FMN1: variants seen among roughly 807,000 people sequenced by gnomAD.
The protein encoded by FMN1 is formin 1.
Under a neutral mutation model 132.4 loss-of-function variants are expected in FMN1, and 110 were observed. The ratio of observed to expected loss-of-function variants is 0.83; its 90% CI spans 0.71 to 0.97. FMN1 has a LOEUF of 0.97. FMN1 is among the 50% of genes least tolerant of loss of function. The pLI, the probability that FMN1 is intolerant of heterozygous loss-of-function variation, is 0.00. For synonymous variants in FMN1, 722 were observed against 651.7 expected (o/e 1.11, Z -1.64); for missense variants, 1,792 against 1,705.3 (o/e 1.05, Z -0.90).
chr15:32,879,738 G>A (rs116748087), intron 16 of FMN1, among the ~76,000 whole-genome samples: 6 of 152,172 alleles, frequency 3.9e-5, no homozygotes, highest in African/African-American at 1.2e-4. Flanking sequence ...TGTGATAAGA[G>A]GCAGAATTAA....
chr15:33,119,832 A>T (rs1480895417), intron 4 of FMN1, among the ~76,000 whole-genome samples: 1 of 152,176 alleles, frequency 6.6e-6, no homozygotes. Flanking sequence ...CTCTCATAAA[A>T]TGACCTCCCC....
chr15:33,023,744 A>G (rs1265475292), intron 6 of FMN1, among the ~76,000 whole-genome samples: 3 of 152,198 alleles, frequency 2.0e-5, no homozygotes, highest in Non-Finnish European at 2.9e-5. Flanking sequence ...ACCAAAAAAT[A>G]GAGTACAAAA....
At chr15:32,938,280 G>C (rs1265639340) in intron 9 of FMN1, among the ~76,000 whole-genome samples, 2 of 152,076 alleles carry the variant, frequency 1.3e-5, no homozygotes, top group Non-Finnish European at 2.9e-5. Context: ...TGTAATCCCA[G>C]CAACTTGAGA....
chr15:32,974,162 T>C (rs1265966517), intron 7 of FMN1, among the ~76,000 whole-genome samples: 7 of 152,196 alleles, frequency 4.6e-5, no homozygotes, highest in Non-Finnish European at 1.0e-4. Context: ...TTATAAACCC[T>C]CCATTTATTT....
At chr15:33,155,483 G>A (rs17235791) in intron 3 of FMN1, among the ~76,000 whole-genome samples, 28,845 of 152,052 alleles carry the variant, frequency 0.19, 3,347 homozygotes, top group Middle Eastern at 0.28. Flanking sequence ...AAGGTAGATC[G>A]ATCAAGCCTT....
At position 33,019,786 on chromosome 15, in the gene FMN1, C is replaced by A. The variant is rs574541984; in HGVS notation, c.2162-11711G>T. The stretch of plus-strand genomic sequence containing the variant: ...CACTCGGAGTGCGGGGCCCGCCAAG[C>A]CCATGCCCACTCGGACCTCTAGCTG... On this transcript the variant is annotated intron_variant, in intron 6 of 20. Transcript: ENST00000616417. 2.4e-4 allele frequency among the ~76,000 whole-genome samples: 37 copies of A among 152,336 alleles called. No homozygotes were observed. In the South Asian group the frequency reaches 7.2e-3, roughly 30 times the overall value.
In FMN1 at chr15:33,144,359, G is replaced by A. The variant is rs1009174592; in HGVS notation, c.1867+8689C>T. Among the ~76,000 whole-genome samples, 12 of 152,094 alleles carry A rather than the reference G, an allele frequency of 7.9e-5. 1 individual carries two copies. Among genetic ancestry groups the A allele is most frequent in the Admixed American group, 6.5e-4 (10 of 15,272 alleles). ...TTAGGTAGAAATCCAATATTAGGCC[G>A]GGCATGGTGGCTCACTCCTGTAATC... On this transcript the variant is annotated intron_variant, in intron 4 of 20. Coordinates refer to ENST00000616417, the MANE Select transcript of FMN1 (RefSeq NM_001277313.2).
chr15:33,182,398 C>A (rs1965735095), intron 2 of FMN1, among the ~76,000 whole-genome samples: 1 of 152,226 alleles, frequency 6.6e-6, no homozygotes, highest in Non-Finnish European at 1.5e-5. Flanking sequence ...CCATCCATTG[C>A]TCTTAAGCTG....
At chr15:32,939,184 T>C (rs1267529405) in intron 9 of FMN1, among the ~76,000 whole-genome samples, 1 of 152,192 alleles carries the variant, frequency 6.6e-6, no homozygotes, top group Non-Finnish European at 1.5e-5. Context: ...TACTTCAGGC[T>C]CAAGAGTCCT....
chr15:32,782,499 CA>C (rs2056697181), intron 19 of FMN1, among the ~76,000 whole-genome samples: 1 of 152,166 alleles, frequency 6.6e-6, no homozygotes, highest in South Asian at 2.1e-4. Context: ...TAAATATTTA[CA>C]CGTGTCATCT....
chr15:33,083,265 G>GT (rs1277102369), intron 5 of FMN1, among the ~76,000 whole-genome samples: 3 of 152,200 alleles, frequency 2.0e-5, no homozygotes, highest in Admixed American at 2.0e-4. Flanking sequence ...TATAGAAGTT[G>GT]TAATATTTGT....
chr15:32,979,574 A>G (rs1031648500), intron 7 of FMN1, among the ~76,000 whole-genome samples: 5 of 151,560 alleles, frequency 3.3e-5, no homozygotes, highest in Non-Finnish European at 7.4e-5. Context: ...AAAAAAAAAA[A>G]AAAAAGAAAC....
At chr15:32,982,712 C>A (rs1178515384) in intron 7 of FMN1, among the ~76,000 whole-genome samples, 2 of 152,110 alleles carry the variant, frequency 1.3e-5, no homozygotes, top group Non-Finnish European at 2.9e-5. Context: ...TCTCCCACTA[C>A]TAAGAAAAAA....
At chr15:33,118,281 T>C (rs1181452664) in intron 4 of FMN1, among the ~76,000 whole-genome samples, 2 of 152,190 alleles carry the variant, frequency 1.3e-5, no homozygotes, top group African/African-American at 4.8e-5. Flanking sequence ...GTTATATTAA[T>C]AACTTTCCTT....
chr15:33,168,328 A>G (rs540086783), intron 3 of FMN1, among the ~76,000 whole-genome samples: 1 of 152,356 alleles, frequency 6.6e-6, no homozygotes, highest in African/African-American at 2.4e-5. Flanking sequence ...AATATGGTTA[A>G]CAGATTGTGT....
chr15:33,166,975 C>A (rs565119696), intron 3 of FMN1, among the ~76,000 whole-genome samples: 2 of 152,146 alleles, frequency 1.3e-5, no homozygotes, highest in Admixed American at 6.5e-5. Flanking sequence ...GTAGACTAAT[C>A]AAGGGGCAGG....
chr15:33,091,740 G>A (rs1341016920), intron 4 of FMN1, among the ~76,000 whole-genome samples: 1 of 152,012 alleles, frequency 6.6e-6, no homozygotes, highest in Non-Finnish European at 1.5e-5. Context: ...CAAAAATAAA[G>A]CACGTCTGTA....
chr15:32,863,598 A>G (rs1005819254), intron 16 of FMN1, among the ~76,000 whole-genome samples: 5 of 152,336 alleles, frequency 3.3e-5, no homozygotes, highest in South Asian at 4.2e-4. Context: ...TGGGTCACCA[A>G]CTAAGATTTC....
In FMN1 at chr15:33,153,465, G is replaced by T. The variant is rs1032554919; in HGVS notation, c.1450C>A (p.Gln484Lys). 2.6e-6 allele frequency: 4 copies of T among 1,536,642 alleles called. No homozygotes were observed. In the African/African-American group the frequency reaches 4.1e-5, roughly 16 times the overall value. The change falls in exon 4 of 21, where the codon CAA becomes AAA. Residue 484 changes from glutamine to lysine, a missense_variant. This residue lies in a region of FMN1 where 638 missense variants were observed against 645.2 expected (regional missense o/e 0.99). Transcript: ENST00000616417. ...GGCTTCTTCTTATCACCTCTGGGTT[G>T]TGAGGAGTCAGGACCTACTTTGTGG... The part of the protein sequence containing the change: ...LPHKVGPDSS[Q>K]PRGDKKKPSP...
Sources: gnomAD v4.1 joint callset for allele counts (sites outside exome capture counted in the v4.1 genomes callset) on GRCh38, gnomAD v4.1.1 for gene constraint, gnomAD v4.1.1 regional missense constraint, MANE v1.5 for transcripts, NCBI Gene and HGNC (gene_info 2026-07-23, HGNC 2026-07-21) for gene names.